Variants in MCTP2 observed in about 807,000 individuals in gnomAD.
MCTP2 encodes multiple C2 and transmembrane domain-containing protein 2.
MCTP2 carries 132 observed loss-of-function variants against 111.6 expected under a neutral mutation model. The ratio of observed to expected loss-of-function variants is 1.18; its 90% CI spans 1.03 to 1.37. The LOEUF is 1.37. Ranked by LOEUF, MCTP2 falls within the 40% of genes most tolerant of loss-of-function variation. The probability of loss-of-function intolerance (pLI) is 0.00; values close to 1 mark genes in which losing one functional copy is unlikely to be tolerated. For synonymous variants in MCTP2, 395 were observed against 387.7 expected (o/e 1.02, Z -0.22); for missense variants, 1,183 against 1,067.9 (o/e 1.11, Z -1.50).
intron 1 of MCTP2, among the ~76,000 whole-genome samples, chr15:94,243,608 C>T (rs1179887265): frequency 2.7e-5 from 4 of 149,240 alleles, no homozygotes; most frequent in Non-Finnish European, 4.5e-5. Context: ...TATGTATACA[C>T]GCATATGTGT....
chr15:94,385,886 A>G (rs1304263979), intron 14 of MCTP2, among the ~76,000 whole-genome samples: 1 of 152,242 alleles, frequency 6.6e-6, no homozygotes, highest in Non-Finnish European at 1.5e-5. Context: ...ATTTCTTTAT[A>G]GCTCCTTACT....
intron 1 of MCTP2, among the ~76,000 whole-genome samples, chr15:94,235,780 G>A (rs934314744): frequency 6.6e-6 from 1 of 152,214 alleles, no homozygotes; most frequent in Non-Finnish European, 1.5e-5. Context: ...CGGGATTCAA[G>A]CACAGGCTGT....
intron 14 of MCTP2, among the ~76,000 whole-genome samples, chr15:94,391,119 T>C (rs1311851753): frequency 6.6e-6 from 1 of 152,128 alleles, no homozygotes; most frequent in East Asian, 1.9e-4. Context: ...CATGGGTCTT[T>C]ATACTGTCCT....
intron 1 of MCTP2, among the ~76,000 whole-genome samples, chr15:94,245,406 ATATTTATATACATGTGTGTATATATT>A (rs1488450960): frequency 1.5e-4 from 8 of 52,328 alleles, no homozygotes; most frequent in African/African-American, 3.3e-4. Flanking sequence ...ATGTGTGTAT[ATATTTATATACATGTGTGTATATATT>A]TATATATACA....
intron 14 of MCTP2, among the ~76,000 whole-genome samples, chr15:94,388,505 G>T (rs1298360363): frequency 1.3e-5 from 2 of 152,140 alleles, no homozygotes; most frequent in East Asian, 3.8e-4. Flanking sequence ...TCTTAAAATT[G>T]CTGTAACCCT....
chr15:94,257,564 TTGTTG>T (rs2072866796), intron 1 of MCTP2, among the ~76,000 whole-genome samples: 1 of 64,078 alleles, frequency 1.6e-5, no homozygotes, highest in Non-Finnish European at 3.1e-5. Context: ...GTCATTTTCT[TTGTTG>T]TTTTTTTTTT....
rs140524160 is a variant in MCTP2, at chr15:94,458,325, C to T, written c.2360+79C>T. 1,625 of 857,438 alleles carry T rather than the reference C, an allele frequency of 1.9e-3. 8 individuals are homozygous for T. Among genetic ancestry groups the T allele is most frequent in the African/African-American group, 0.014 (830 of 59,718 alleles). 53.1% of individuals were successfully genotyped at this position (857,438 alleles called of 1,614,324 possible). ...ACAGTGGGGTAATGGCAGTGGTGTG[C>T]GACAAAGGGAGGCAAGAAAATACAA... On this transcript the variant is annotated intron_variant, in intron 20 of 22. Coordinates refer to ENST00000357742, the MANE Select transcript of MCTP2 (RefSeq NM_001385001.1).
chr15:94,312,080 A>G (rs1046948200), intron 2 of MCTP2, among the ~76,000 whole-genome samples: 9 of 152,230 alleles, frequency 5.9e-5, no homozygotes, highest in Non-Finnish European at 1.2e-4. Flanking sequence ...TTGGTTAGGT[A>G]GAGCATTGAT....
intron 4 of MCTP2, among the ~76,000 whole-genome samples, chr15:94,331,568 C>T (rs927160199): frequency 6.6e-6 from 1 of 152,072 alleles, no homozygotes; most frequent in Non-Finnish European, 1.5e-5. Flanking sequence ...CCTAGACCTG[C>T]CTTATGTCTC....
At position 94,239,884 on chromosome 15, in the gene MCTP2, G is replaced by A. The variant is rs142099585; in HGVS notation, c.-66+8220G>A. Among the ~76,000 whole-genome samples the A allele has an allele frequency of 1.4e-3, 212 of 152,318 alleles. 3 individuals carry two copies. The highest frequency in any genetic ancestry group is 4.6e-3 in the African/African-American group (192 of 41,578). ...CCAAATTATGTTTGATCAGATAGGT[G>A]TGGCCCTGATCAGTAATAACAGACT... On this transcript the variant is annotated intron_variant, in intron 1 of 22. Coordinates refer to ENST00000357742, the MANE Select transcript of MCTP2 (RefSeq NM_001385001.1).
intron 17 of MCTP2, among the ~76,000 whole-genome samples, chr15:94,429,540 C>CT (rs2083064635): frequency 6.6e-6 from 1 of 152,132 alleles, no homozygotes; most frequent in Admixed American, 6.5e-5. Context: ...CTTTAAAATA[C>CT]TTTATCTATT....
chr15:94,299,324 G>A (rs1013321635), intron 2 of MCTP2, among the ~76,000 whole-genome samples: 5 of 151,656 alleles, frequency 3.3e-5, no homozygotes, highest in African/African-American at 1.2e-4. Flanking sequence ...TTTTTTAAGT[G>A]TATGTTTGTG....
At chr15:94,362,794 C>T (rs1596475408) in intron 10 of MCTP2, among the ~76,000 whole-genome samples, 1 of 152,156 alleles carries the variant, frequency 6.6e-6, no homozygotes, top group Non-Finnish European at 1.5e-5. Context: ...GCAGGTTTGT[C>T]TGACTGATAT....
chr15:94,436,685 T>A (rs373424062), intron 17 of MCTP2, among the ~76,000 whole-genome samples: 2 of 152,158 alleles, frequency 1.3e-5, no homozygotes. Flanking sequence ...TTCAAAGACA[T>A]ACATAGTTTT....
At chr15:94,235,661 G>T (rs1385567566) in intron 1 of MCTP2, among the ~76,000 whole-genome samples, 1 of 152,154 alleles carries the variant, frequency 6.6e-6, no homozygotes, top group Non-Finnish European at 1.5e-5. Context: ...TTAATCTTCG[G>T]TACAAACCCT....
chr15:94,433,071 A>T (rs1450736763), intron 17 of MCTP2, among the ~76,000 whole-genome samples: 1 of 150,622 alleles, frequency 6.6e-6, no homozygotes, highest in African/African-American at 2.4e-5. Context: ...ACTTAAAGAA[A>T]CAATACATAG....
intron 1 of MCTP2, among the ~76,000 whole-genome samples, chr15:94,244,014 T>C (rs2071433009): frequency 6.8e-6 from 1 of 147,640 alleles, no homozygotes. Flanking sequence ...CACACATATG[T>C]ATACACATAC....
intron 4 of MCTP2, among the ~76,000 whole-genome samples, chr15:94,331,246 C>T (rs1191553297): frequency 6.6e-6 from 1 of 152,112 alleles, no homozygotes. Context: ...TCTGGCTCAT[C>T]TTAGTTGATG....
intron 12 of MCTP2, among the ~76,000 whole-genome samples, chr15:94,377,293 C>T (rs2079829758): frequency 6.6e-6 from 1 of 152,176 alleles, no homozygotes; most frequent in Non-Finnish European, 1.5e-5. Flanking sequence ...CTAGAAAGCT[C>T]AGTAGTCGTG....
Sources: allele counts gnomAD v4.1 joint callset (sites outside exome capture counted in the v4.1 genomes callset), GRCh38; gene constraint gnomAD v4.1.1; transcripts MANE v1.5; gene names NCBI Gene and HGNC (gene_info 2026-07-23, HGNC 2026-07-21).